The following CLN3 variants were observed in gnomAD, a reference collection of about 807,000 sequenced individuals.
The protein encoded by CLN3 is battenin.
A neutral mutation model predicts 60.7 loss-of-function variants in CLN3; 49 were observed. The observed-to-expected ratio is 0.81, with a 90% CI of 0.64 to 1.02. CLN3 has a LOEUF of 1.02. Ranked by LOEUF, CLN3 falls within the 50% of genes least tolerant of loss-of-function variation. The pLI, the probability that CLN3 is intolerant of heterozygous loss-of-function variation, is 0.00. For missense variants in CLN3, 516 were observed against 557.4 expected (o/e 0.93, Z 0.75); for synonymous variants, 256 against 245.8 (o/e 1.04, Z -0.39).
At position 28,488,599 on chromosome 16, in the gene CLN3, A is replaced by C. The variant is rs1344068672; in HGVS notation, c.286T>G (p.Ser96Ala). 1 of 1,614,092 alleles carries C rather than the reference A, an allele frequency of 6.2e-7. No individual in the cohort carries two copies. The highest frequency in any genetic ancestry group is 1.1e-5 in the South Asian group (1 of 91,090). The change falls in exon 5 of 16, where the codon TCT (serine) becomes GCT (alanine). Residue 96 changes from serine (S) to alanine (A), a missense_variant. Physicochemically the swap from Ser to Ala is moderately conservative, Grantham distance 99. Transcript: ENST00000636147. ...SSSRFDCNSV[S>A]TAAVLLADIL... is the part of the protein sequence containing the mutation. ...GTGAGATGAGTACGCACAGCCGTAG[A>C]GACAGAGTTGCAGTCAAATCGTGAT... is the stretch of plus-strand genomic sequence containing the variant.
At chr16:28,488,052 A>G (rs999690961) in intron 5 of CLN3, 6 of 300,922 alleles carry the variant, frequency 2.0e-5, no homozygotes, top group African/African-American at 1.1e-4. Context: ...ATATATATAT[A>G]TATTTTGAGA....
the CLN3 span, among the ~76,000 whole-genome samples, chr16:28,467,490 AGGC>A: frequency 4.1e-5 from 6 of 145,266 alleles, no homozygotes; most frequent in South Asian, 1.1e-3. Flanking sequence ...AACTCCTGGC[AGGC>A]GATCTGCCTG....
chr16:28,483,092 G>A (rs1263350601), intron 10 of CLN3, among the ~76,000 whole-genome samples: 4 of 151,700 alleles, frequency 2.6e-5, no homozygotes, highest in Non-Finnish European at 5.9e-5. Flanking sequence ...CAACAAGAGC[G>A]AAACTCCACC....
chr16:28,487,304 A>T, intron 7 of CLN3, 152 bp downstream of exon 7: 2 of 717,496 alleles, frequency 2.8e-6, no homozygotes, highest in Non-Finnish European at 5.1e-6. Flanking sequence ...AAATTGTCCC[A>T]GTCTCCCATC....
downstream of CLN3, chr16:28,470,625 A>G (rs1296977971): frequency 3.7e-3 from 25 of 6,848 alleles, no homozygotes; most frequent in South Asian, 5.8e-3. Context: ...GGGGAAGGGG[A>G]GGGGAGGGGG....
rs370999518 is a variant in CLN3 at position 28,477,280 on chromosome 16, C to A, written c.*236G>T. On this transcript the variant is annotated 3_prime_UTR_variant, in exon 16 of 16. Coordinates refer to ENST00000636147, the MANE Select transcript of CLN3 (RefSeq NM_001042432.2). ...TAGAGACAAAAACGATATAAGAAGT[C>A]CATGGATAAAATCGGCATTTATTCA... The A allele has an allele frequency of 3.4e-6, 2 of 582,106 alleles. No homozygotes were observed. Among genetic ancestry groups the A allele is most frequent in the East Asian group, 2.9e-5 (1 of 34,052 alleles). 36.1% of individuals were successfully genotyped at this position (582,106 alleles called of 1,614,324 possible).
intron 14 of CLN3, among the ~76,000 whole-genome samples, chr16:28,481,187 T>C (rs2046084214): frequency 6.6e-6 from 1 of 152,084 alleles, no homozygotes; most frequent in African/African-American, 2.4e-5. Context: ...CCTTGGTTAC[T>C]GCAGCCTTGA....
At chr16:28,471,317 C>CG, downstream of CLN3, 1 of 741,336 alleles carries the variant, frequency 1.3e-6, no homozygotes, top group Non-Finnish European at 2.1e-6. Context: ...CGGAAGGTCC[C>CG]GATAGTAAAC....
chr16:28,489,192 G>T, intron 4 of CLN3, 98 bp downstream of exon 4: 2 of 933,150 alleles, frequency 2.1e-6, no homozygotes, highest in South Asian at 1.4e-5. Flanking sequence ...GTGAGCCACT[G>T]TGCCCAGCCA....
chr16:28,474,611 T>C (rs561162512), downstream of CLN3, among the ~76,000 whole-genome samples: 11 of 152,192 alleles, frequency 7.2e-5, no homozygotes, highest in Non-Finnish European at 1.5e-4. Context: ...GCAGCCACTT[T>C]GGGAAACAGT....
intron 14 of CLN3, among the ~76,000 whole-genome samples, chr16:28,478,617 T>TAAAAAAAAAAAAAAAAAAAA (rs766238150): frequency 4.0e-5 from 3 of 74,354 alleles, no homozygotes; most frequent in African/African-American, 2.3e-4. Flanking sequence ...TCCTGTCTCA[T>TAAAAAAAAAAAAAAAAAAAA]AAAAAAAAAA....
rs2141723300 is a variant in CLN3 at position 28,491,951 on chromosome 16, CGA to C, written c.-77+67_-77+68del. On this transcript the variant is annotated intron_variant, in intron 1 of 15. Transcript: ENST00000636147. ...TGGGGGCTCCATCTCGAGCGCCCTA[CGA>C]CCCACCACGCCCCACCCATCGTACT... 3 of 700,248 alleles carry C rather than the reference CGA, an allele frequency of 4.3e-6. No individual in the cohort carries two copies. In the East Asian group the frequency reaches 8.1e-5, roughly 19 times the overall value. 43.4% of individuals were successfully genotyped at this position (700,248 alleles called of 1,614,324 possible).
chr16:28,491,901 G>C (rs2046321367), intron 1 of CLN3, 66 bp from the exon 2 acceptor site: 1 of 1,105,070 alleles, frequency 9.0e-7, no homozygotes, highest in South Asian at 1.3e-5. Flanking sequence ...TAGGGCACTC[G>C]CGCCCCGCGA....
At chr16:28,487,903 TTG>T (rs1190518587) in intron 5 of CLN3, 162 bp from the exon 6 acceptor site, 2 of 666,428 alleles carry the variant, frequency 3.0e-6, no homozygotes, top group Admixed American at 2.2e-5. Flanking sequence ...CACTCCTTAG[TTG>T]TGTGTCAAGA....
At chr16:28,491,883 G>A in intron 1 of CLN3, 48 bp from the exon 2 acceptor site, 1 of 1,282,442 alleles carries the variant, frequency 7.8e-7, no homozygotes, top group Non-Finnish European at 1.1e-6. Context: ...TCCCAGCTCC[G>A]GCTTGTCTAG....
chr16:28,469,256 AAG>A (rs2045924855), downstream of CLN3, among the ~76,000 whole-genome samples: 1 of 121,078 alleles, frequency 8.3e-6, no homozygotes, highest in Admixed American at 9.3e-5. Flanking sequence ...TATGATAAGA[AAG>A]AGACTGGCTG....
chr16:28,470,830 C>G (rs3869447), downstream of CLN3, among the ~76,000 whole-genome samples: 1 of 136,848 alleles, frequency 7.3e-6, no homozygotes, highest in Non-Finnish European at 1.6e-5. Flanking sequence ...ACAGGACACG[C>G]GGGGCAAGGG....
chr16:28,481,456 A>ACACACACACACACACG (rs1555468012), intron 14 of CLN3, among the ~76,000 whole-genome samples: 10 of 70,176 alleles, frequency 1.4e-4, no homozygotes, highest in African/African-American at 3.5e-4. Flanking sequence ...ACACACACGC[A>ACACACACACACACACG]CACACACACA....
Position 28,477,806 on chromosome 16 carries a change from C to G in CLN3, c.1128G>C (p.Leu376=), listed in dbSNP as rs766074736. 3 of 1,614,210 alleles carry G rather than the reference C, an allele frequency of 1.9e-6. No homozygotes were observed. In the South Asian group the frequency reaches 3.3e-5, roughly 18 times the overall value. Residue 376 remains leucine, a synonymous_variant, in exon 15 of 16, where the codon CTG becomes CTC. Transcript: ENST00000636147. ...GFLPSIYLVF[L]IILYEGLLGG... is the part of the protein sequence containing the mutation. ...CCAGGAGCCCCTCATACAGAATGAT[C>G]AGGAAGACGAGGTAGATGCTTGGCA...
Sources: allele counts gnomAD v4.1 joint callset (sites outside exome capture counted in the v4.1 genomes callset), GRCh38; gene constraint gnomAD v4.1.1; transcripts MANE v1.5; gene names NCBI Gene and HGNC (gene_info 2026-07-23, HGNC 2026-07-21).